The following SYT14 variants were observed in gnomAD, a reference collection of about 807,000 sequenced individuals.
SYT14 encodes synaptotagmin 14, also known as synaptotagmin-14.
SYT14 carries 32 observed loss-of-function variants against 74.2 expected under a neutral mutation model. The observed-to-expected ratio is 0.43, with a 90% CI of 0.33 to 0.58. SYT14 has a LOEUF of 0.58. SYT14 is among the 20% of genes least tolerant of loss of function. SYT14 has a pLI of 0.05. For synonymous variants in SYT14, 298 were observed against 337.7 expected (o/e 0.88, Z 1.29); for missense variants, 791 against 981.8 (o/e 0.81, Z 2.60).
chr1:210,031,922 AAGG>A (rs2307892), intron 5 of SYT14, among the ~76,000 whole-genome samples: 51,870 of 151,738 alleles, frequency 0.34, 9,798 homozygotes, highest in Non-Finnish European at 0.42. Context: ...AGGTAACAAG[AAGG>A]AGGGGAATTT....
chr1:209,987,153 G>A (rs1330930316), intron 2 of SYT14, among the ~76,000 whole-genome samples: 1 of 152,054 alleles, frequency 6.6e-6, no homozygotes. Context: ...TCATCTTCCT[G>A]TCTTCTTCTG....
At chr1:210,024,366 TAGG>T (rs1271380967) in intron 5 of SYT14, among the ~76,000 whole-genome samples, 5 of 152,022 alleles carry the variant, frequency 3.3e-5, no homozygotes, top group Non-Finnish European at 5.9e-5. Flanking sequence ...TAAAGGAAGA[TAGG>T]AGAGAGATTA....
intron 7 of SYT14, among the ~76,000 whole-genome samples, chr1:210,127,738 G>A (rs2082595161): frequency 1.3e-5 from 2 of 152,066 alleles, no homozygotes; most frequent in African/African-American, 4.8e-5. Flanking sequence ...AAAATTGGAT[G>A]ATCAGGGCAG....
chr1:210,153,515 A>G (rs2083209320), intron 7 of SYT14, among the ~76,000 whole-genome samples: 1 of 152,172 alleles, frequency 6.6e-6, no homozygotes, highest in Non-Finnish European at 1.5e-5. Flanking sequence ...ATTTATTCCT[A>G]CATATTTTAT....
chr1:209,972,728 A>G (rs1211275585), intron 2 of SYT14, among the ~76,000 whole-genome samples: 1 of 152,092 alleles, frequency 6.6e-6, no homozygotes, highest in East Asian at 1.9e-4. Context: ...GAATGATTTC[A>G]GTTTTTTTGA....
At chr1:209,957,797 A>T (rs1449710513) in intron 2 of SYT14, among the ~76,000 whole-genome samples, 1 of 152,130 alleles carries the variant, frequency 6.6e-6, no homozygotes, top group African/African-American at 2.4e-5. Flanking sequence ...TGGGGAGGTA[A>T]AACTGGGAGA....
intron 7 of SYT14, among the ~76,000 whole-genome samples, chr1:210,147,203 G>A (rs1426547076): frequency 1.3e-5 from 2 of 151,876 alleles, no homozygotes; most frequent in Non-Finnish European, 2.9e-5. Context: ...TGGGAAAAGA[G>A]GCTGATTTAA....
At chr1:210,019,554 C>G (rs2080261500) in intron 4 of SYT14, among the ~76,000 whole-genome samples, 1 of 152,178 alleles carries the variant, frequency 6.6e-6, no homozygotes, top group African/African-American at 2.4e-5. Flanking sequence ...TGGGCAAGCA[C>G]TGCCACAATA....
In SYT14 at chr1:210,072,132, G is replaced by GATATATATATATAT. The variant is rs34290398; in HGVS notation, c.1313-22184_1313-22171dup. 9.6e-5 allele frequency among the ~76,000 whole-genome samples: 14 copies of GATATATATATATAT among 146,304 alleles called. No individual in the cohort carries two copies. The South Asian group carries it at 2.4e-3, about 25-fold the overall frequency. ...TTAGCTGATTAGCTGGTTAATTAAAGATATATATATATATATATACTATTT... is the reference window on the plus strand; with the variant it reads ...TTAGCTGATTAGCTGGTTAATTAAAGATATATATATATATATATATATATATATATATACTATTT... On this transcript the variant is annotated intron_variant, in intron 5 of 9. Coordinates refer to ENST00000637265, the Ensembl canonical transcript of SYT14.
chr1:210,108,236 A>C (rs1469619099), intron 7 of SYT14, among the ~76,000 whole-genome samples: 2 of 151,844 alleles, frequency 1.3e-5, no homozygotes. Flanking sequence ...ATCTTCAGGA[A>C]CCCCTAGATT....
At chr1:210,077,655 A>G (rs188293431) in intron 5 of SYT14, among the ~76,000 whole-genome samples, 159 of 152,300 alleles carry the variant, frequency 1.0e-3, no homozygotes, top group Non-Finnish European at 1.6e-3. Flanking sequence ...TGTTTTTACA[A>G]TTTTGATAAC....
At chr1:210,053,786 A>G (rs920860631) in intron 5 of SYT14, among the ~76,000 whole-genome samples, 4 of 151,892 alleles carry the variant, frequency 2.6e-5, no homozygotes, top group African/African-American at 9.7e-5. Context: ...AGCACCTTTA[A>G]TTTTCTATTA....
At chr1:210,121,600 C>T (rs139357594) in intron 7 of SYT14, among the ~76,000 whole-genome samples, 12,934 of 152,008 alleles carry the variant, frequency 0.085, 1,783 homozygotes, top group African/African-American at 0.29. Flanking sequence ...TGAGACCATC[C>T]TGGCTAACAT....
chr1:210,043,781 T>A (rs1572204868), intron 5 of SYT14, among the ~76,000 whole-genome samples: 2 of 152,154 alleles, frequency 1.3e-5, no homozygotes, highest in East Asian at 3.9e-4. Flanking sequence ...TGAGTCTGTT[T>A]ACTCAGAGGG....
At chr1:210,005,320 A>G (rs911001013) in intron 2 of SYT14, among the ~76,000 whole-genome samples, 2 of 151,950 alleles carry the variant, frequency 1.3e-5, no homozygotes, top group Non-Finnish European at 2.9e-5. Flanking sequence ...CTTGGTATTT[A>G]TCAGAATTTT....
At chr1:210,107,536 G>A (rs931774918) in intron 7 of SYT14, among the ~76,000 whole-genome samples, 1 of 152,048 alleles carries the variant, frequency 6.6e-6, no homozygotes, top group Non-Finnish European at 1.5e-5. Context: ...TTAACTGGAA[G>A]GCAGACATAG....
chr1:210,013,582 G>C, intron 2 of SYT14, 51 bp from the exon 3 acceptor site: 1 of 1,551,302 alleles, frequency 6.4e-7, no homozygotes, highest in South Asian at 1.2e-5. Context: ...CTTCTTATTT[G>C]TAGCTTAAAG....
chr1:210,059,555 G>A (rs1288468442), intron 5 of SYT14, among the ~76,000 whole-genome samples: 1 of 150,854 alleles, frequency 6.6e-6, no homozygotes, highest in Non-Finnish European at 1.5e-5. Context: ...TGTCAGAGTT[G>A]TGGGCCCTAG....
intron 5 of SYT14, among the ~76,000 whole-genome samples, chr1:210,044,489 G>A (rs2080849682): frequency 6.6e-6 from 1 of 152,136 alleles, no homozygotes; most frequent in Non-Finnish European, 1.5e-5. Context: ...GTCTTTTAAT[G>A]AATCAAAGCC....
Sources: allele counts gnomAD v4.1 joint callset (sites outside exome capture counted in the v4.1 genomes callset), GRCh38; gene constraint gnomAD v4.1.1; transcripts MANE v1.5; gene names NCBI Gene and HGNC (gene_info 2026-07-23, HGNC 2026-07-21).